MB21D2: variants seen among roughly 807,000 people sequenced by gnomAD.
MB21D2 encodes Mab-21 domain containing 2, also known as nucleotidyltransferase MB21D2.
Under a neutral mutation model 33.3 loss-of-function variants are expected in MB21D2, and 9 were observed. The observed-to-expected ratio is 0.27, with a 90% CI of 0.16 to 0.47. MB21D2 has a LOEUF of 0.47. Ranked by LOEUF, MB21D2 falls within the 20% of genes least tolerant of loss-of-function variation. MB21D2 has a pLI of 0.99. For missense variants in MB21D2, 540 were observed against 624.6 expected, an observed-to-expected ratio of 0.86 and a Z score of 1.44; for synonymous variants, 241 against 236.3, an observed-to-expected ratio of 1.02 and a Z score of -0.18.
At chr3:192,812,422 C>T (rs1351291518) in intron 1 of MB21D2, among the ~76,000 whole-genome samples, 1 of 152,100 alleles carries the variant, frequency 6.6e-6, no homozygotes, top group Admixed American at 6.5e-5. Context: ...GTATCTCCCA[C>T]CCTAACACAA....
intron 1 of MB21D2, among the ~76,000 whole-genome samples, chr3:192,880,776 T>C (rs1713542973): frequency 1.3e-5 from 2 of 152,146 alleles, no homozygotes; most frequent in Non-Finnish European, 2.9e-5. Flanking sequence ...AACCTGTCTT[T>C]AGATTTACAG....
rs143056186 is a variant in MB21D2, at chr3:192,864,670, T to C, written c.211+52960A>G. 5.3e-3 allele frequency among the ~76,000 whole-genome samples: 800 copies of C among 152,112 alleles called. 8 individuals are homozygous for C. The highest frequency in any genetic ancestry group is 0.018 in the African/African-American group (764 of 41,494). On this transcript the variant is annotated intron_variant, in intron 1 of 1. Transcript: ENST00000392452. ...TACAGACACCCGCCACCACGCCTGG[T>C]TAATTTTTGTACTTTTAGTAGAGAT... is the stretch of plus-strand genomic sequence containing the variant.
At chr3:192,863,440 G>A (rs1209220039) in intron 1 of MB21D2, among the ~76,000 whole-genome samples, 2 of 152,150 alleles carry the variant, frequency 1.3e-5, no homozygotes, top group East Asian at 1.9e-4. Context: ...ATTGTGATGG[G>A]GCACTAACAT....
chr3:192,800,244 T>A (rs1711524668), intron 1 of MB21D2, among the ~76,000 whole-genome samples: 1 of 152,146 alleles, frequency 6.6e-6, no homozygotes, highest in South Asian at 2.1e-4. Context: ...ACTAACACAC[T>A]GTTTGACTTT....
At chr3:192,913,384 C>T (rs986773079) in intron 1 of MB21D2, among the ~76,000 whole-genome samples, 5 of 152,078 alleles carry the variant, frequency 3.3e-5, no homozygotes, top group East Asian at 1.9e-4. Context: ...GGTGACAGAG[C>T]GAGACCCTGT....
At position 192,798,314 on chromosome 3, in the gene MB21D2, AAGAT is replaced by A. The variant is rs1433847548; in HGVS notation, c.*68_*71del. ...CTAGGCTGGATATGTAAAAAACAGA[AAGAT>A]AGCATCACAAACCACACGACACATT... On this transcript the variant is annotated 3_prime_UTR_variant, in exon 2 of 2. Coordinates refer to ENST00000392452, the MANE Select transcript of MB21D2 (RefSeq NM_178496.4). The surrounding 1 kb of genome is among the most constrained non-coding windows in gnomAD (Gnocchi z 4.8). The A allele has an allele frequency of 4.1e-5, 62 of 1,511,068 alleles. No homozygotes were observed. The highest frequency in any genetic ancestry group is 5.3e-5 in the Non-Finnish European group (59 of 1,114,918). 93.6% of individuals were successfully genotyped at this position (1,511,068 alleles called of 1,614,324 possible).
At chr3:192,866,366 A>G (rs530010558) in intron 1 of MB21D2, among the ~76,000 whole-genome samples, 1 of 152,342 alleles carries the variant, frequency 6.6e-6, no homozygotes, top group South Asian at 2.1e-4. Context: ...TAAAAAAACA[A>G]AAGAACATCA....
At chr3:192,912,139 C>T (rs1460324619) in intron 1 of MB21D2, among the ~76,000 whole-genome samples, 1 of 152,144 alleles carries the variant, frequency 6.6e-6, no homozygotes, top group Non-Finnish European at 1.5e-5. Flanking sequence ...CCACATGGCA[C>T]TTATTGGCCT....
At chr3:192,811,793 G>T in intron 1 of MB21D2, among the ~76,000 whole-genome samples, 1 of 151,806 alleles carries the variant, frequency 6.6e-6, no homozygotes, top group East Asian at 1.9e-4. Flanking sequence ...GGGGAGGGTG[G>T]ATTAAAAAAA....
At chr3:192,886,194 G>A (rs540988535) in intron 1 of MB21D2, among the ~76,000 whole-genome samples, 22 of 152,072 alleles carry the variant, frequency 1.4e-4, no homozygotes, top group Admixed American at 1.2e-3. Flanking sequence ...TCCTGACCTC[G>A]TGATCCACTC....
At chr3:192,917,413 G>T (rs1473940273) in intron 1 of MB21D2, among the ~76,000 whole-genome samples, 1 of 152,210 alleles carries the variant, frequency 6.6e-6, no homozygotes, top group Non-Finnish European at 1.5e-5. Flanking sequence ...GGGGGAAAGG[G>T]AGACCCGGCG....
At chr3:192,896,816 T>C (rs1440804286) in intron 1 of MB21D2, among the ~76,000 whole-genome samples, 3 of 152,218 alleles carry the variant, frequency 2.0e-5, no homozygotes, top group Non-Finnish European at 4.4e-5. Flanking sequence ...AGTTCCAGCG[T>C]TGGTGTGTCT....
chr3:192,834,834 CAG>C, intron 1 of MB21D2, among the ~76,000 whole-genome samples: 1 of 118,372 alleles, frequency 8.4e-6, no homozygotes, highest in East Asian at 2.4e-4. Flanking sequence ...TTTTTTGAGA[CAG>C]AGTCTTGCTC....
chr3:192,895,424 A>T (rs867358461), intron 1 of MB21D2, among the ~76,000 whole-genome samples: 1 of 152,146 alleles, frequency 6.6e-6, no homozygotes, highest in Non-Finnish European at 1.5e-5. Flanking sequence ...GCTTTATTTC[A>T]ATCTGTTTCA....
chr3:192,847,496 A>G (rs533042537), intron 1 of MB21D2, among the ~76,000 whole-genome samples: 63 of 152,222 alleles, frequency 4.1e-4, no homozygotes, highest in Non-Finnish European at 7.3e-4. Flanking sequence ...ATTGTAAAAT[A>G]TGATCAACTC....
intron 1 of MB21D2, among the ~76,000 whole-genome samples, chr3:192,867,032 T>C (rs941821985): frequency 2.0e-5 from 3 of 152,180 alleles, no homozygotes; most frequent in African/African-American, 7.2e-5. Flanking sequence ...CCAGATGGTG[T>C]GAAGCCGCAG....
chr3:192,891,250 C>T (rs965710364), intron 1 of MB21D2, among the ~76,000 whole-genome samples: 2 of 152,160 alleles, frequency 1.3e-5, no homozygotes, highest in Non-Finnish European at 2.9e-5. Flanking sequence ...TTCAACCATG[C>T]ATTTGTAATA....
At chr3:192,910,193 T>C (rs1248914340) in intron 1 of MB21D2, among the ~76,000 whole-genome samples, 1 of 146,542 alleles carries the variant, frequency 6.8e-6, no homozygotes, top group Non-Finnish European at 1.5e-5. Context: ...AGGTGGGGCG[T>C]GGTAGCTCAT....
At chr3:192,809,981 C>T (rs1401877501) in intron 1 of MB21D2, among the ~76,000 whole-genome samples, 1 of 152,212 alleles carries the variant, frequency 6.6e-6, no homozygotes, top group African/African-American at 2.4e-5. Context: ...AACCCAACAT[C>T]AGAGCCTTAA....
Sources: gnomAD v4.1 joint callset for allele counts (sites outside exome capture counted in the v4.1 genomes callset) on GRCh38, gnomAD v4.1.1 for gene constraint, Gnocchi (gnomAD v3.1) non-coding constraint, MANE v1.5 for transcripts, NCBI Gene and HGNC (gene_info 2026-07-23, HGNC 2026-07-21) for gene names.